The following REDIC1 variants were observed in gnomAD, a reference collection of about 807,000 sequenced individuals.
REDIC1 encodes the protein HEI10 Interacting Protein 1.
the REDIC1 span, among the ~76,000 whole-genome samples, chr12:39,820,717 TTATA>T: frequency 3.8e-4 from 51 of 132,512 alleles, no homozygotes; most frequent in South Asian, 1.3e-3. Context: ...ATTTTTAAAT[TTATA>T]TATATATATA....
chr12:39,711,861 G>C, the REDIC1 span, among the ~76,000 whole-genome samples: 37 of 67,426 alleles, frequency 5.5e-4, 1 homozygote, highest in African/African-American at 2.7e-3. Context: ...ATGTGTATGT[G>C]TATACACGTA....
At chr12:39,699,459 G>T in the REDIC1 span, among the ~76,000 whole-genome samples, 1 of 152,220 alleles carries the variant, frequency 6.6e-6, no homozygotes, top group Non-Finnish European at 1.5e-5. Flanking sequence ...TACGCCCAGG[G>T]AGTCTCTCTG....
chr12:39,629,344 T>C, the REDIC1 span, among the ~76,000 whole-genome samples: 1 of 152,204 alleles, frequency 6.6e-6, no homozygotes. Context: ...ATACTTTTTC[T>C]CAAGTGAATG....
At chr12:39,742,352 T>A in the REDIC1 span, among the ~76,000 whole-genome samples, 1 of 152,220 alleles carries the variant, frequency 6.6e-6, no homozygotes, top group South Asian at 2.1e-4. Flanking sequence ...GGTATACATT[T>A]GTTATATTTA....
the REDIC1 span, among the ~76,000 whole-genome samples, chr12:39,713,020 TATAC>T: frequency 6.9e-6 from 1 of 144,198 alleles, no homozygotes; most frequent in African/African-American, 2.6e-5. Flanking sequence ...TACATGTGTA[TATAC>T]GTGTATATGT....
the REDIC1 span, among the ~76,000 whole-genome samples, chr12:39,832,732 C>T: frequency 6.6e-6 from 1 of 151,676 alleles, no homozygotes; most frequent in Admixed American, 6.6e-5. Flanking sequence ...TCAGTTTTCT[C>T]CTTTCTTTAG....
the REDIC1 span, among the ~76,000 whole-genome samples, chr12:39,794,466 C>T: frequency 4.9e-4 from 75 of 152,226 alleles, 1 homozygote; most frequent in East Asian, 6.2e-3. Context: ...TTAACTATAA[C>T]GCAATTTGAT....
the REDIC1 span, among the ~76,000 whole-genome samples, chr12:39,856,037 A>G: frequency 6.6e-6 from 1 of 152,216 alleles, no homozygotes; most frequent in Non-Finnish European, 1.5e-5. Context: ...ATCATGCTGT[A>G]GCCATGAGTA....
the REDIC1 span, among the ~76,000 whole-genome samples, chr12:39,639,991 A>G: frequency 1.3e-5 from 2 of 151,622 alleles, no homozygotes; most frequent in African/African-American, 4.8e-5. Flanking sequence ...ATACTGCACT[A>G]TCATTGGTCT....
At chr12:39,661,889 A>G in the REDIC1 span, among the ~76,000 whole-genome samples, 1 of 152,066 alleles carries the variant, frequency 6.6e-6, no homozygotes, top group Admixed American at 6.6e-5. Context: ...TTTACCCAGC[A>G]CCATTTATTG....
chr12:39,865,545 A>G, the REDIC1 span, among the ~76,000 whole-genome samples: 1 of 152,234 alleles, frequency 6.6e-6, no homozygotes, highest in East Asian at 1.9e-4. Flanking sequence ...ACTTAAAAGA[A>G]TAATTTTTGT....
At chr12:39,779,568 A>G in the REDIC1 span, among the ~76,000 whole-genome samples, 1 of 152,248 alleles carries the variant, frequency 6.6e-6, no homozygotes, top group Admixed American at 6.5e-5. Flanking sequence ...GTTAATTAAA[A>G]AAATTAAAAC....
At chr12:39,821,280 G>C in the REDIC1 span, among the ~76,000 whole-genome samples, 1 of 151,978 alleles carries the variant, frequency 6.6e-6, no homozygotes, top group Admixed American at 6.6e-5. Context: ...CGTGTTGGCG[G>C]GCGCCTGTAG....
the REDIC1 span, among the ~76,000 whole-genome samples, chr12:39,834,367 C>T: frequency 1.3e-5 from 2 of 152,080 alleles, no homozygotes; most frequent in African/African-American, 2.4e-5. Flanking sequence ...CTCTTTTCCT[C>T]CAGGCTCTGA....
chr12:39,802,156 C>G, the REDIC1 span: 2 of 152,148 alleles, frequency 1.3e-5, no homozygotes, highest in African/African-American at 4.8e-5. Context: ...CTGCATATGG[C>G]CTCATGCTTA....
chr12:39,847,964 C>T, the REDIC1 span, among the ~76,000 whole-genome samples: 9 of 152,230 alleles, frequency 5.9e-5, no homozygotes, highest in East Asian at 1.7e-3. Flanking sequence ...ATATCTCATG[C>T]TTTGTTTCCT....
chr12:39,727,808 T>C, the REDIC1 span, among the ~76,000 whole-genome samples: 45 of 152,354 alleles, frequency 3.0e-4, no homozygotes, highest in African/African-American at 1.1e-3. Context: ...TTCCATTTGT[T>C]TGTGTCCTCT....
At chr12:39,703,895 C>G in the REDIC1 span, among the ~76,000 whole-genome samples, 2 of 152,240 alleles carry the variant, frequency 1.3e-5, no homozygotes, top group East Asian at 3.9e-4. Context: ...GAAACTGGAT[C>G]CCTTCCTTAC....
the REDIC1 span, among the ~76,000 whole-genome samples, chr12:39,866,951 A>C: frequency 1.3e-5 from 2 of 152,194 alleles, no homozygotes; most frequent in African/African-American, 2.4e-5. Flanking sequence ...TAATGCGATA[A>C]AACTAAAATC....
Sources: gnomAD v4.1 joint callset for allele counts (sites outside exome capture counted in the v4.1 genomes callset) on GRCh38, gnomAD v4.1.1 for gene constraint, MANE v1.5 for transcripts, NCBI Gene and HGNC (gene_info 2026-07-23, HGNC 2026-07-21) for gene names.